TBC1D8: variants seen among roughly 807,000 people sequenced by gnomAD.
TBC1D8 encodes TBC1 domain family member 8, also known as BUB2-like protein 1.
Under a neutral mutation model 118.8 loss-of-function variants are expected in TBC1D8, and 65 were observed. That is an observed-to-expected ratio of 0.55 (90% CI 0.45 to 0.67). The LOEUF (loss-of-function observed/expected upper bound fraction) is 0.67. Among genes scored for constraint, TBC1D8 ranks in the 30% least tolerant of loss-of-function variants. The pLI is 0.00. For synonymous variants in TBC1D8, 566 were observed against 595.8 expected, an observed-to-expected ratio of 0.95 and a Z score of 0.73; for missense variants, 1,376 against 1,471.2, an observed-to-expected ratio of 0.94 and a Z score of 1.06.
At chr2:101,056,758 G>A (rs1007139591) in intron 3 of TBC1D8, among the ~76,000 whole-genome samples, 2 of 152,196 alleles carry the variant, frequency 1.3e-5, no homozygotes, top group Non-Finnish European at 1.5e-5. Flanking sequence ...CGGCTGCAGG[G>A]TGGTACCCAG....
chr2:101,111,912 GT>G (rs1161543246), intron 1 of TBC1D8, among the ~76,000 whole-genome samples: 229 of 50,954 alleles, frequency 4.5e-3, no homozygotes, highest in Admixed American at 8.6e-3. Flanking sequence ...CTTGACCATA[GT>G]TTTAAAAAAA....
chr2:101,036,115 G>T lies in TBC1D8; in HGVS notation c.1506C>A (p.Gly502=), dbSNP rs1356630448. The T allele has an allele frequency of 8.7e-6, 14 of 1,613,964 alleles. No homozygotes were observed. The highest frequency in any genetic ancestry group is 1.2e-5 in the Non-Finnish European group (14 of 1,179,886). ...SLWNDHFVEY[G]RTVCMFRTEK... The stretch of plus-strand genomic sequence containing the variant: ...CTGTGCGAAACATACACACGGTTCT[G>T]CCGTATTCCACAAAGTGGTCATTCC... Residue 502 remains glycine, a synonymous_variant, in exon 9 of 20, where the codon GGC becomes GGA. Coordinates refer to ENST00000409318, the MANE Select transcript of TBC1D8 (RefSeq NM_001330348.2).
At chr2:101,130,507 G>A (rs1361679228) in intron 1 of TBC1D8, among the ~76,000 whole-genome samples, 1 of 152,194 alleles carries the variant, frequency 6.6e-6, no homozygotes, top group African/African-American at 2.4e-5. Flanking sequence ...ACACAGGCAG[G>A]AACCTAAAAG....
chr2:101,110,076 G>A (rs1438041179), intron 1 of TBC1D8: 1 of 947,416 alleles, frequency 1.1e-6, no homozygotes, highest in African/African-American at 1.8e-5. Context: ...CTCTGGCTGA[G>A]ATAGATGTCA....
chr2:101,038,589 T>A lies in TBC1D8; in HGVS notation c.1147A>T (p.Ser383Cys). The change falls in exon 7 of 20, where the codon AGC becomes TGC. Residue 383 changes from serine (S) to cysteine (C), a missense_variant. Ser to Cys is a moderately radical substitution (Grantham distance 112). Coordinates refer to ENST00000409318, the MANE Select transcript of TBC1D8 (RefSeq NM_001330348.2). ...LPHPIIVSIRSKVAFQFIELR... is the reference protein window; with the variant it reads ...LPHPIIVSIRCKVAFQFIELR... ...TCAATGAACTGGAAGGCCACCTTGC[T>A]TCTGATACTGACAATGATGGGATGC... 6.2e-7 allele frequency: 1 copy of A among 1,613,974 alleles called. No individual in the cohort carries two copies. The highest frequency in any genetic ancestry group is 8.5e-7 in the Non-Finnish European group (1 of 1,179,890).
At chr2:101,080,172 A>T (rs962481073) in intron 2 of TBC1D8, among the ~76,000 whole-genome samples, 1 of 152,176 alleles carries the variant, frequency 6.6e-6, no homozygotes, top group Non-Finnish European at 1.5e-5. Context: ...TTAAAACAGT[A>T]AGAGCCTGGT....
At chr2:101,134,197 TCACACACA>T (rs59427291) in intron 1 of TBC1D8, among the ~76,000 whole-genome samples, 63 of 73,542 alleles carry the variant, frequency 8.6e-4, no homozygotes, top group East Asian at 3.5e-3. Flanking sequence ...TCTCTCTCTC[TCACACACA>T]CACACACACA....
intron 1 of TBC1D8, among the ~76,000 whole-genome samples, chr2:101,093,442 A>C (rs1435660841): frequency 1.3e-5 from 2 of 152,174 alleles, no homozygotes; most frequent in African/African-American, 4.8e-5. Context: ...CATAGAGAAA[A>C]GCGAGTTCAC....
rs775646894 is a variant in TBC1D8, at chr2:101,038,460, C to T, written c.1275+1G>A. On this transcript the variant is annotated splice_donor_variant, in intron 7 of 19. Transcript: ENST00000409318. LOFTEE classifies it high-confidence loss of function. ...ATCATCAGGGTCTGGAGGGACCATA[C>T]CATGTCATCATCCGCAGAGGTGTCG... The T allele has an allele frequency of 1.2e-6, 2 of 1,613,160 alleles. No homozygotes were observed. Among genetic ancestry groups the T allele is most frequent in the African/African-American group, 1.3e-5 (1 of 74,904 alleles).
intron 4 of TBC1D8, 68 bp from the exon 5 acceptor site, chr2:101,050,709 A>T: frequency 1.3e-6 from 2 of 1,573,628 alleles, no homozygotes; most frequent in Non-Finnish European, 1.7e-6. Context: ...TGTGTCAGCA[A>T]GCAACTATCC....
At chr2:101,021,212 A>G (rs1257996349) in intron 17 of TBC1D8, among the ~76,000 whole-genome samples, 2 of 152,146 alleles carry the variant, frequency 1.3e-5, no homozygotes, top group Admixed American at 6.5e-5. Context: ...GTTCCCGTCA[A>G]TGTCAAGTCT....
intron 1 of TBC1D8, among the ~76,000 whole-genome samples, chr2:101,145,074 T>C (rs1165802934): frequency 6.6e-6 from 1 of 152,242 alleles, no homozygotes; most frequent in Non-Finnish European, 1.5e-5. Context: ...TCAATAATTG[T>C]CAGCTCTTCC....
intron 2 of TBC1D8, among the ~76,000 whole-genome samples, chr2:101,086,569 A>C (rs917675963): frequency 3.5e-5 from 5 of 141,714 alleles, no homozygotes; most frequent in East Asian, 2.1e-4. Context: ...TATGCAAAGC[A>C]AAAAAAAAAA....
chr2:101,075,323 GGGA>G (rs1300090533), intron 2 of TBC1D8, among the ~76,000 whole-genome samples: 2 of 151,540 alleles, frequency 1.3e-5, no homozygotes, highest in Non-Finnish European at 2.9e-5. Context: ...GCTTGAACCT[GGGA>G]GGTTCAGTGA....
chr2:101,076,236 G>A (rs983217037), intron 2 of TBC1D8, among the ~76,000 whole-genome samples: 1 of 152,116 alleles, frequency 6.6e-6, no homozygotes, highest in Non-Finnish European at 1.5e-5. Flanking sequence ...AGTTGTAAAA[G>A]GAATGATCAA....
chr2:101,061,683 T>G (rs1682761513), intron 2 of TBC1D8, among the ~76,000 whole-genome samples: 3 of 152,048 alleles, frequency 2.0e-5, no homozygotes, highest in Non-Finnish European at 2.9e-5. Flanking sequence ...ACCTCCCGTG[T>G]CATGCTCTCC....
intron 10 of TBC1D8, 74 bp downstream of exon 10, chr2:101,033,470 A>G (rs1194969352): frequency 6.4e-6 from 10 of 1,572,730 alleles, no homozygotes; most frequent in Non-Finnish European, 8.7e-6. Context: ...CTGGGAATGC[A>G]AATGAAACCC....
At chr2:101,094,276 CA>C (rs1676250155) in intron 1 of TBC1D8, among the ~76,000 whole-genome samples, 1 of 152,254 alleles carries the variant, frequency 6.6e-6, no homozygotes, top group East Asian at 1.9e-4. Context: ...AAGGGGCTGC[CA>C]CTTTAATACA....
rs1225187602 is a variant in TBC1D8, at chr2:101,099,025, G to A, written c.128-8661C>T. On this transcript the variant is annotated intron_variant, in intron 1 of 19. Transcript: ENST00000409318. ...AATAACTAAGATCAGAGAAGAAGTG[G>A]AGGAGATAGAGACACGAAAAACCAT... Among the ~76,000 whole-genome samples, 31 of 148,314 alleles carry A rather than the reference G, an allele frequency of 2.1e-4. No homozygotes were observed. In the East Asian group the frequency reaches 5.9e-3, roughly 28 times the overall value.
Sources: allele counts gnomAD v4.1 joint callset (sites outside exome capture counted in the v4.1 genomes callset), GRCh38; gene constraint gnomAD v4.1.1; transcripts MANE v1.5; gene names NCBI Gene and HGNC (gene_info 2026-07-23, HGNC 2026-07-21).